The following RUNX1T1 variants were observed in gnomAD, a reference collection of about 807,000 sequenced individuals.
RUNX1T1 encodes RUNX1 partner transcriptional co-repressor 1.
RUNX1T1 carries 4 observed loss-of-function variants against 62.8 expected under a neutral mutation model. That is an observed-to-expected ratio of 0.06 (90% CI 0.03 to 0.15). RUNX1T1 has a LOEUF of 0.15. RUNX1T1 is among the 10% of genes least tolerant of loss of function. The probability of loss-of-function intolerance (pLI) is 1.00; values close to 1 mark genes in which losing one functional copy is unlikely to be tolerated. For synonymous variants in RUNX1T1, 291 were observed against 286.0 expected (o/e 1.02, Z -0.18); for missense variants, 508 against 754.3 (o/e 0.67, Z 3.82).
intron 4 of RUNX1T1, chr8:92,005,876 C>T (rs1820668750): frequency 6.6e-6 from 1 of 152,114 alleles, no homozygotes; most frequent in Admixed American, 6.6e-5. Context: ...AAGTAATGGC[C>T]TGGGTACAGT....
chr8:91,973,739 C>G (rs1813334843), intron 9 of RUNX1T1, among the ~76,000 whole-genome samples: 1 of 151,958 alleles, frequency 6.6e-6, no homozygotes, highest in Non-Finnish European at 1.5e-5. Flanking sequence ...TGCCTTGACA[C>G]TGAACACTAG....
At chr8:92,081,451 A>G (rs1835247570) in intron 1 of RUNX1T1, among the ~76,000 whole-genome samples, 1 of 152,124 alleles carries the variant, frequency 6.6e-6, no homozygotes, top group Non-Finnish European at 1.5e-5. Context: ...GGATCAGTCA[A>G]CAAAACCAAA....
chr8:92,099,657 G>A, exon 1 of RUNX1T1: 1 of 985,248 alleles, frequency 1.0e-6, no homozygotes, highest in South Asian at 4.7e-5. Flanking sequence ...TTTTCAGACT[G>A]CTTTGCTATG....
At chr8:91,964,481 C>CTT (rs1437659346) in intron 10 of RUNX1T1, among the ~76,000 whole-genome samples, 2 of 152,134 alleles carry the variant, frequency 1.3e-5, no homozygotes, top group Non-Finnish European at 2.9e-5. Flanking sequence ...AACACATTGA[C>CTT]TTAAATTCAC....
intron 1 of RUNX1T1, among the ~76,000 whole-genome samples, chr8:92,078,293 T>A (rs1214105903): frequency 6.6e-6 from 1 of 152,054 alleles, no homozygotes; most frequent in African/African-American, 2.4e-5. Context: ...TTAAATGCCC[T>A]TCCAATATGA....
chr8:91,956,607 A>G (rs1809428563), downstream of RUNX1T1: 1 of 222,652 alleles, frequency 4.5e-6, no homozygotes. Context: ...ACTAAGGAAA[A>G]AAGGATAAAC....
chr8:91,979,937 G>C, intron 8 of RUNX1T1: 1 of 513,516 alleles, frequency 1.9e-6, no homozygotes, highest in East Asian at 4.2e-5. Context: ...TCATCCTGTA[G>C]TGGGCAGAAT....
At chr8:92,096,423 C>A (rs1267262072) in intron 1 of RUNX1T1, among the ~76,000 whole-genome samples, 1 of 152,212 alleles carries the variant, frequency 6.6e-6, no homozygotes, top group African/African-American at 2.4e-5. Flanking sequence ...GTCCAGAGTT[C>A]ATCCCCCTCC....
chr8:91,977,393 A>C (rs919625963), intron 8 of RUNX1T1: 4 of 194,552 alleles, frequency 2.1e-5, no homozygotes, highest in Middle Eastern at 1.8e-3. Context: ...ATTCATTTCT[A>C]TAAAGTAAAT....
upstream of RUNX1T1, among the ~76,000 whole-genome samples, chr8:92,102,567 T>C (rs1001741863): frequency 6.6e-6 from 1 of 151,944 alleles, no homozygotes; most frequent in South Asian, 2.1e-4. The surrounding 1 kb of genome is among the most constrained non-coding windows in gnomAD (Gnocchi z 4.5). Context: ...ACCGTGACTA[T>C]GGAGAGGGAA....
chr8:92,102,691 T>G (rs537943773), upstream of RUNX1T1, among the ~76,000 whole-genome samples: 1 of 152,180 alleles, frequency 6.6e-6, no homozygotes, highest in Non-Finnish European at 1.5e-5. This position sits in a 1 kb window ranked among gnomAD's most constrained non-coding sequence, Gnocchi z 4.5. Flanking sequence ...ATGTTCCTCT[T>G]TGCCCTGGTG....
upstream of RUNX1T1, among the ~76,000 whole-genome samples, chr8:92,067,825 C>T (rs949081499): frequency 6.6e-6 from 1 of 152,104 alleles, no homozygotes; most frequent in African/African-American, 2.4e-5. Flanking sequence ...TCTGATAGTG[C>T]CAATGCCTTT....
intron 1 of RUNX1T1, among the ~76,000 whole-genome samples, chr8:92,050,986 A>C (rs1278477678): frequency 1.3e-5 from 2 of 152,162 alleles, no homozygotes; most frequent in Non-Finnish European, 2.9e-5. Flanking sequence ...TCTCAGCAAA[A>C]ATCTCACCTA....
chr8:92,077,261 T>C (rs1197554244), intron 1 of RUNX1T1, among the ~76,000 whole-genome samples: 1 of 152,120 alleles, frequency 6.6e-6, no homozygotes, highest in Non-Finnish European at 1.5e-5. Flanking sequence ...TAGTTGGGAA[T>C]TGCCTTGCAG....
At chr8:92,009,326 C>T (rs1286185792) in intron 4 of RUNX1T1, among the ~76,000 whole-genome samples, 1 of 152,126 alleles carries the variant, frequency 6.6e-6, no homozygotes, top group African/African-American at 2.4e-5. Context: ...GACTTTAATG[C>T]ATATTGTTAC....
At chr8:92,072,053 AT>A (rs1833767776) in intron 2 of RUNX1T1, among the ~76,000 whole-genome samples, 1 of 152,258 alleles carries the variant, frequency 6.6e-6, no homozygotes, top group Admixed American at 6.5e-5. Context: ...CAGAAACTTC[AT>A]AAAAATTCAT....
intron 1 of RUNX1T1, among the ~76,000 whole-genome samples, chr8:92,082,024 T>A (rs1016002967): frequency 2.0e-5 from 3 of 152,132 alleles, no homozygotes; most frequent in African/African-American, 7.2e-5. Context: ...TAGCTGGGAC[T>A]ACAGGCACCT....
At chr8:91,954,997 C>T (rs1809139228), downstream of RUNX1T1, 1 of 196,840 alleles carries the variant, frequency 5.1e-6, no homozygotes, top group African/African-American at 2.3e-5. Context: ...TTTATTTATT[C>T]ACCTTGGAAT....
chr8:91,970,442 CCAAA>C (rs1478813486), intron 10 of RUNX1T1, among the ~76,000 whole-genome samples: 1 of 152,168 alleles, frequency 6.6e-6, no homozygotes, highest in Non-Finnish European at 1.5e-5. Flanking sequence ...CGGTAACCTA[CCAAA>C]CATTCAAAAC....
Sources: allele counts gnomAD v4.1 joint callset (sites outside exome capture counted in the v4.1 genomes callset), GRCh38; gene constraint gnomAD v4.1.1; non-coding constraint Gnocchi (gnomAD v3.1); transcripts MANE v1.5; gene names NCBI Gene and HGNC (gene_info 2026-07-23, HGNC 2026-07-21).